Variants in STX8 observed in about 807,000 individuals in gnomAD.
STX8 encodes the protein syntaxin 8.
Under a neutral mutation model 37.5 loss-of-function variants are expected in STX8, and 23 were observed. The ratio of observed to expected loss-of-function variants is 0.61; its 90% confidence interval spans 0.44 to 0.87. STX8 has a LOEUF of 0.87. STX8 is among the 40% of genes least tolerant of loss of function. The pLI is 0.00. For synonymous variants in STX8, 115 were observed against 99.1 expected (o/e 1.16, Z -0.95); for missense variants, 313 against 284.7 (o/e 1.10, Z -0.71).
intron 6 of STX8, among the ~76,000 whole-genome samples, chr17:9,422,176 C>T (rs761942714): frequency 6.6e-6 from 1 of 151,140 alleles, no homozygotes; most frequent in Non-Finnish European, 1.5e-5. Flanking sequence ...GCGATCTTGG[C>T]TCACTGCAAC....
chr17:9,356,448 G>A (rs1475522917), intron 7 of STX8, among the ~76,000 whole-genome samples: 1 of 152,204 alleles, frequency 6.6e-6, no homozygotes, highest in Non-Finnish European at 1.5e-5. Flanking sequence ...TGGTGCCCAT[G>A]TAAGCTGCCT....
chr17:9,378,387 A>G, intron 7 of STX8, 165 bp downstream of exon 7: 2 of 597,728 alleles, frequency 3.3e-6, no homozygotes, highest in Non-Finnish European at 6.0e-6. Flanking sequence ...TTTCATTTTG[A>G]CCAGATTTAA....
intron 6 of STX8, among the ~76,000 whole-genome samples, chr17:9,459,120 C>T (rs765643857): frequency 8.7e-4 from 132 of 152,238 alleles, no homozygotes; most frequent in Non-Finnish European, 5.4e-4. Context: ...GCGTGAGCCA[C>T]CATGCCCGGC....
intron 7 of STX8, among the ~76,000 whole-genome samples, chr17:9,338,157 T>G (rs12942173): frequency 0.15 from 22,451 of 150,748 alleles, 1,872 homozygotes; most frequent in African/African-American, 0.2. Flanking sequence ...GGGTTCAAAT[T>G]ATTCTCTTGC....
intron 4 of STX8, among the ~76,000 whole-genome samples, chr17:9,516,451 T>C (rs112071641): frequency 2.1e-4 from 31 of 151,162 alleles, no homozygotes; most frequent in African/African-American, 6.3e-4. Context: ...TAGAAAGGAT[T>C]TCCCAGGGTT....
intron 6 of STX8, among the ~76,000 whole-genome samples, chr17:9,458,650 C>A (rs146663434): frequency 1.3e-5 from 2 of 152,224 alleles, no homozygotes; most frequent in East Asian, 1.9e-4. Flanking sequence ...TCAAAGAAAT[C>A]CAGCACTCCC....
chr17:9,387,383 C>T (rs1041462849), intron 6 of STX8, among the ~76,000 whole-genome samples: 1 of 152,122 alleles, frequency 6.6e-6, no homozygotes, highest in Non-Finnish European at 1.5e-5. Flanking sequence ...GCAAGCTCCG[C>T]CTCCCGGGTT....
chr17:9,255,404 G>A (rs1906751934), intron 7 of STX8, among the ~76,000 whole-genome samples: 4 of 152,094 alleles, frequency 2.6e-5, no homozygotes, highest in Non-Finnish European at 4.4e-5. Context: ...GTGCACGCTT[G>A]TAGTCCCAGC....
intron 6 of STX8, among the ~76,000 whole-genome samples, chr17:9,404,796 G>A (rs1417887830): frequency 1.3e-5 from 2 of 152,132 alleles, no homozygotes; most frequent in South Asian, 2.1e-4. Context: ...CTGCCAGATC[G>A]TTTAGCCAGT....
intron 6 of STX8, among the ~76,000 whole-genome samples, chr17:9,438,240 CAAA>C (rs1297626169): frequency 9.0e-5 from 6 of 66,318 alleles, no homozygotes; most frequent in South Asian, 5.3e-4. Context: ...GACTCCATCT[CAAA>C]AAAAAAAAAA....
chr17:9,536,622 C>T (rs1357898189), intron 4 of STX8, among the ~76,000 whole-genome samples: 1 of 152,136 alleles, frequency 6.6e-6, no homozygotes, highest in Non-Finnish European at 1.5e-5. Context: ...AACAACCTTC[C>T]CTTCTGGTGT....
chr17:9,478,062 A>G (rs1411540718), intron 6 of STX8, among the ~76,000 whole-genome samples: 1 of 152,208 alleles, frequency 6.6e-6, no homozygotes, highest in Admixed American at 6.5e-5. Flanking sequence ...TCACTGGTGT[A>G]GGTAAGTTTC....
chr17:9,315,162 C>CA (rs1909340600), intron 7 of STX8, among the ~76,000 whole-genome samples: 1 of 147,642 alleles, frequency 6.8e-6, no homozygotes, highest in Admixed American at 6.7e-5. Context: ...AAAACAAAAA[C>CA]AAAAACAAAA....
intron 6 of STX8, among the ~76,000 whole-genome samples, chr17:9,389,043 C>G (rs1288979755): frequency 6.6e-6 from 1 of 152,150 alleles, no homozygotes; most frequent in Non-Finnish European, 1.5e-5. Flanking sequence ...TTCTTTCCTC[C>G]ATTATCATTG....
At chr17:9,349,835 T>A (rs978019840) in intron 7 of STX8, among the ~76,000 whole-genome samples, 3 of 151,858 alleles carry the variant, frequency 2.0e-5, no homozygotes, top group Non-Finnish European at 4.4e-5. Flanking sequence ...TGAGAGGAAG[T>A]GATCCTCCTG....
chr17:9,375,557 C>T (rs1015738626), intron 7 of STX8, among the ~76,000 whole-genome samples: 2 of 152,132 alleles, frequency 1.3e-5, no homozygotes, highest in African/African-American at 4.8e-5. Context: ...ACATATATAA[C>T]ATTGTATGTC....
At chr17:9,306,260 C>A (rs935152301) in intron 7 of STX8, among the ~76,000 whole-genome samples, 13 of 152,174 alleles carry the variant, frequency 8.5e-5, no homozygotes, top group Admixed American at 5.2e-4. Flanking sequence ...GTGATGCTCA[C>A]ACAACAAAAT....
At chr17:9,423,012 C>G (rs531651417) in intron 6 of STX8, among the ~76,000 whole-genome samples, 1 of 152,220 alleles carries the variant, frequency 6.6e-6, no homozygotes, top group African/African-American at 2.4e-5. Flanking sequence ...AGAAGCATCT[C>G]TGGGATTAAT....
chr17:9,546,605 T>TTTG (rs1476214122), intron 3 of STX8, among the ~76,000 whole-genome samples: 2 of 134,712 alleles, frequency 1.5e-5, no homozygotes, highest in Non-Finnish European at 3.2e-5. Flanking sequence ...TTTTTTTTTT[T>TTTG]TTTTTTTTTT....
Sources: gnomAD v4.1 joint callset for allele counts (sites outside exome capture counted in the v4.1 genomes callset) on GRCh38, gnomAD v4.1.1 for gene constraint, MANE v1.5 for transcripts, NCBI Gene and HGNC (gene_info 2026-07-23, HGNC 2026-07-21) for gene names.